The following HERC5 variants were observed in gnomAD, a reference collection of about 807,000 sequenced individuals.
HERC5 encodes the protein HECT and RLD domain containing E3 ubiquitin protein ligase 5, also known as E3 ISG15--protein ligase HERC5.
A neutral mutation model predicts 119.6 loss-of-function variants in HERC5; 99 were observed. The ratio of observed to expected loss-of-function variants is 0.83; its 90% confidence interval spans 0.70 to 0.98. HERC5 has a LOEUF of 0.98. Among genes scored for constraint, HERC5 ranks in the 50% least tolerant of loss-of-function variants. The probability of loss-of-function intolerance (pLI) is 0.00; values close to 1 mark genes in which losing one functional copy is unlikely to be tolerated. For synonymous variants in HERC5, 478 were observed against 445.9 expected, an observed-to-expected ratio of 1.07 and a Z score of -0.91; for missense variants, 1,267 against 1,241.3, an observed-to-expected ratio of 1.02 and a Z score of -0.31.
chr4:88,460,959 C>T (rs920906389), intron 3 of HERC5, among the ~76,000 whole-genome samples: 3 of 152,098 alleles, frequency 2.0e-5, no homozygotes, highest in Non-Finnish European at 4.4e-5. Flanking sequence ...CACTGCACTA[C>T]AGCCTGGGTA....
chr4:88,483,321 A>G (rs186331239), intron 13 of HERC5, among the ~76,000 whole-genome samples: 23 of 149,694 alleles, frequency 1.5e-4, no homozygotes, highest in African/African-American at 5.7e-4. Flanking sequence ...TGATTCTCCT[A>G]CCTCAGCCTC....
In HERC5 at chr4:88,486,104, T is replaced by C. The variant is rs1473627347; in HGVS notation, c.1738-11T>C. Reference sequence around the variant, plus strand: ...ATATAAAACTTTTTCACAAGTCATATTTTATTTAAGGTAAACCAGGTGAAA... The same window carrying C: ...ATATAAAACTTTTTCACAAGTCATACTTTATTTAAGGTAAACCAGGTGAAA... On this transcript the variant is annotated splice_polypyrimidine_tract_variant and intron_variant, in intron 13 of 22. Transcript: ENST00000264350. The C allele has an allele frequency of 4.5e-6, 7 of 1,553,436 alleles. No homozygotes were observed. The highest frequency in any genetic ancestry group is 6.2e-6 in the Non-Finnish European group (7 of 1,134,832).
intron 13 of HERC5, among the ~76,000 whole-genome samples, chr4:88,485,496 T>G (rs1024499349): frequency 6.6e-6 from 1 of 152,160 alleles, no homozygotes; most frequent in Admixed American, 6.5e-5. Flanking sequence ...AGACACATGG[T>G]TTCAGTGCAT....
intron 10 of HERC5, among the ~76,000 whole-genome samples, chr4:88,470,968 T>C (rs1204593960): frequency 1.3e-5 from 2 of 150,690 alleles, no homozygotes; most frequent in Non-Finnish European, 2.9e-5. Flanking sequence ...TGGTTCTTTG[T>C]TTTTTTCTTT....
At chr4:88,499,658 C>G (rs1411261085) in intron 18 of HERC5, among the ~76,000 whole-genome samples, 2 of 152,342 alleles carry the variant, frequency 1.3e-5, no homozygotes, top group East Asian at 3.8e-4. Context: ...TAGAAACCTA[C>G]AATCATTAGG....
chr4:88,460,223 A>G, intron 3 of HERC5, 52 bp downstream of exon 3: 1 of 863,244 alleles, frequency 1.2e-6, no homozygotes, highest in Non-Finnish European at 1.9e-6. Context: ...CTGTGTGTAT[A>G]TGTGGAGCCA....
chr4:88,461,164 A>G (rs530925543), intron 3 of HERC5, among the ~76,000 whole-genome samples: 3 of 152,334 alleles, frequency 2.0e-5, no homozygotes, highest in Non-Finnish European at 2.9e-5. Context: ...TTTGACCTTC[A>G]TTGCAAGGCC....
chr4:88,500,878 T>A, intron 19 of HERC5, 37 bp from the exon 20 acceptor site: 1 of 1,445,376 alleles, frequency 6.9e-7, no homozygotes. Flanking sequence ...TTCAGAATTA[T>A]GTTGGAGATA....
intron 15 of HERC5, 50 bp from the exon 16 acceptor site, chr4:88,489,112 TAGAG>T (rs1303186193): frequency 3.4e-6 from 5 of 1,487,224 alleles, no homozygotes; most frequent in East Asian, 2.3e-5. Flanking sequence ...AATTTTTACT[TAGAG>T]AGGGCCAATG....
intron 18 of HERC5, 139 bp from the exon 19 acceptor site, chr4:88,499,787 G>A (rs916893548): frequency 3.4e-6 from 2 of 582,342 alleles, no homozygotes; most frequent in Non-Finnish European, 6.1e-6. Context: ...TAGACTATCA[G>A]TACGCAGAGA....
intron 7 of HERC5, 57 bp from the exon 8 acceptor site, chr4:88,468,289 A>C: frequency 8.6e-7 from 1 of 1,161,492 alleles, no homozygotes; most frequent in Non-Finnish European, 1.3e-6. Context: ...TAAATTGAAC[A>C]TGCATGTTTG....
intron 10 of HERC5, 114 bp from the exon 11 acceptor site, chr4:88,472,295 T>C (rs1740901905): frequency 1.5e-6 from 1 of 672,706 alleles, no homozygotes; most frequent in Non-Finnish European, 2.7e-6. Flanking sequence ...CAATTTATTA[T>C]AGTTACACAC....
chr4:88,472,494 AC>A lies in HERC5; in HGVS notation c.1385del (p.Thr462IlefsTer3). The A allele has an allele frequency of 6.4e-7, 1 of 1,555,146 alleles. No individual in the cohort carries two copies. The highest frequency in any genetic ancestry group is 8.8e-7 in the Non-Finnish European group (1 of 1,130,926). ...FKELTQKDWI[T>X]NMITTCLKDN... The stretch of plus-strand genomic sequence containing the variant: ...GGAGTTAACCCAAAAGGACTGGATT[AC>A]TAACATGGTATCTTCAGATTGTTAT... On this transcript the variant is annotated frameshift_variant, in exon 11 of 23. Coordinates refer to ENST00000264350, the MANE Select transcript of HERC5 (RefSeq NM_016323.4). LOFTEE classifies it high-confidence loss of function.
chr4:88,470,689 A>T lies in HERC5; in HGVS notation c.1298+16A>T. 3.5e-6 allele frequency: 4 copies of T among 1,143,388 alleles called. No homozygotes were observed. The highest frequency in any genetic ancestry group is 5.2e-6 in the Non-Finnish European group (4 of 765,774). The allele number at this position is 1,143,388 out of a possible 1,614,324, so 70.8% of individuals were successfully genotyped here. On this transcript the variant is annotated intron_variant, in intron 10 of 22. Transcript: ENST00000264350. ...TAAGGAAAAGGTAATATATGTAATA[A>T]ATTAATTGTATTAAATTGTATTAAG... is the stretch of plus-strand genomic sequence containing the variant.
At chr4:88,487,465 A>C (rs373594488) in intron 15 of HERC5, among the ~76,000 whole-genome samples, 1 of 152,184 alleles carries the variant, frequency 6.6e-6, no homozygotes, top group African/African-American at 2.4e-5. Flanking sequence ...TAGTCTTCTG[A>C]ATAGTACTCA....
At chr4:88,458,785 A>G (rs1227366919) in intron 1 of HERC5, among the ~76,000 whole-genome samples, 1 of 152,220 alleles carries the variant, frequency 6.6e-6, no homozygotes, top group Non-Finnish European at 1.5e-5. Flanking sequence ...AACTTCAGAA[A>G]GGGCCAAATG....
At chr4:88,500,556 T>C (rs1212182864) in intron 19 of HERC5, among the ~76,000 whole-genome samples, 1 of 152,224 alleles carries the variant, frequency 6.6e-6, no homozygotes, top group Non-Finnish European at 1.5e-5. Flanking sequence ...TTGCAAGTGT[T>C]GCAAAGCCAC....
chr4:88,486,341 AG>A, intron 14 of HERC5, 113 bp downstream of exon 14: 1 of 608,808 alleles, frequency 1.6e-6, no homozygotes, highest in Non-Finnish European at 2.9e-6. Flanking sequence ...GGAAACATTA[AG>A]ACTCCTCAAA....
intron 8 of HERC5, 90 bp downstream of exon 8, chr4:88,468,512 T>C (rs1429777323): frequency 2.4e-6 from 2 of 830,682 alleles, no homozygotes; most frequent in Non-Finnish European, 3.9e-6. Flanking sequence ...TCCAAAATCA[T>C]CAGTTTACCA....
Sources: allele counts gnomAD v4.1 joint callset (sites outside exome capture counted in the v4.1 genomes callset), GRCh38; gene constraint gnomAD v4.1.1; transcripts MANE v1.5; gene names NCBI Gene and HGNC (gene_info 2026-07-23, HGNC 2026-07-21).